Variants in DSE observed in about 807,000 individuals in gnomAD.
DSE encodes the protein dermatan sulfate epimerase.
A neutral mutation model predicts 84.4 loss-of-function variants in DSE; 36 were observed. The observed-to-expected ratio is 0.43, with a 90% confidence interval of 0.33 to 0.56. DSE has a LOEUF of 0.56. DSE is among the 20% of genes least tolerant of loss of function. DSE has a pLI of 0.06. For missense variants in DSE, 862 were observed against 1,169.6 expected, an observed-to-expected ratio of 0.74 and a Z score of 3.84; for synonymous variants, 410 against 430.1, an observed-to-expected ratio of 0.95 and a Z score of 0.58.
chr6:116,409,724 A>G (rs1213051799), intron 2 of DSE, among the ~76,000 whole-genome samples: 2 of 152,220 alleles, frequency 1.3e-5, no homozygotes, highest in Non-Finnish European at 2.9e-5. Context: ...TAGCATATTA[A>G]TACTAGTAGT....
chr6:116,398,672 A>G (rs111456319), intron 1 of DSE, among the ~76,000 whole-genome samples: 214 of 152,196 alleles, frequency 1.4e-3, no homozygotes, highest in African/African-American at 5.0e-3. Context: ...AACCTTATTC[A>G]TAATATTTTG....
chr6:116,433,862 T>A (rs1783994993), intron 5 of DSE, among the ~76,000 whole-genome samples: 1 of 152,188 alleles, frequency 6.6e-6, no homozygotes, highest in Non-Finnish European at 1.5e-5. Flanking sequence ...TAATTACTGT[T>A]TTCAGTTTTT....
intron 2 of DSE, chr6:116,277,108 TC>T (rs1773177468): frequency 6.6e-6 from 1 of 152,444 alleles, no homozygotes; most frequent in South Asian, 2.1e-4. Flanking sequence ...CAAAAGAATA[TC>T]TGTACAGCTC....
At chr6:116,350,427 T>G (rs1778240066) in intron 2 of DSE, among the ~76,000 whole-genome samples, 1 of 152,178 alleles carries the variant, frequency 6.6e-6, no homozygotes, top group African/African-American at 2.4e-5. Context: ...ATCTCTTCTT[T>G]TCGTATCACA....
chr6:116,386,726 G>A (rs990417197), intron 1 of DSE, among the ~76,000 whole-genome samples: 3 of 152,152 alleles, frequency 2.0e-5, no homozygotes, highest in African/African-American at 4.8e-5. Flanking sequence ...CCAAGGCCTC[G>A]AGTGTATAAA....
chr6:116,353,397 A>T (rs1778416937), intron 2 of DSE, among the ~76,000 whole-genome samples: 1 of 152,208 alleles, frequency 6.6e-6, no homozygotes, highest in Non-Finnish European at 1.5e-5. Flanking sequence ...AAATCTGTTT[A>T]TGTGATAGAT....
At chr6:116,337,556 G>A (rs1777326247) in intron 2 of DSE, among the ~76,000 whole-genome samples, 1 of 151,896 alleles carries the variant, frequency 6.6e-6, no homozygotes, top group Non-Finnish European at 1.5e-5. Context: ...AGTTTGCAGT[G>A]AGCCGAGATC....
intron 2 of DSE, among the ~76,000 whole-genome samples, chr6:116,324,369 G>A (rs1429483783): frequency 6.6e-6 from 1 of 152,144 alleles, no homozygotes; most frequent in East Asian, 1.9e-4. Context: ...TAATAGCTTA[G>A]GACAAGTAAC....
At position 116,375,227 on chromosome 6, in the gene DSE, C is replaced by T. The variant is rs149542931; in HGVS notation, c.-54+4106C>T. Among the ~76,000 whole-genome samples the T allele has an allele frequency of 2.0e-3, 300 of 146,856 alleles. 1 individual carries two copies. Among genetic ancestry groups the T allele is most frequent in the African/African-American group, 6.8e-3 (283 of 41,450 alleles). The stretch of plus-strand genomic sequence containing the variant: ...TCTTGAGGTGTACTGATCGATGTAC[C>T]ATTTGATGATAACAATAATGAAGAA... On this transcript the variant is annotated intron_variant, in intron 1 of 5. Coordinates refer to ENST00000644252, the MANE Select transcript of DSE (RefSeq NM_013352.4).
chr6:116,424,501 A>G lies in DSE; in HGVS notation c.417-2073A>G, dbSNP rs564790654. 1.2e-4 allele frequency among the ~76,000 whole-genome samples: 18 copies of G among 152,358 alleles called. No individual in the cohort carries two copies. In the South Asian group the frequency reaches 1.5e-3, roughly 12 times the overall value. On this transcript the variant is annotated intron_variant, in intron 2 of 5. Coordinates refer to ENST00000644252, the MANE Select transcript of DSE (RefSeq NM_013352.4). The stretch of plus-strand genomic sequence containing the variant: ...AAATTCCTGATTCCATAATGATCAC[A>G]TAATCACTGCCAGCAGTGTGGCTGA...
chr6:116,377,244 T>C (rs1779981019), intron 1 of DSE, among the ~76,000 whole-genome samples: 1 of 152,228 alleles, frequency 6.6e-6, no homozygotes, highest in African/African-American at 2.4e-5. Flanking sequence ...AGGCATTTAA[T>C]GCGTACAAAC....
intron 2 of DSE, chr6:116,279,901 C>G (rs978954023): frequency 1.6e-5 from 25 of 1,597,210 alleles, no homozygotes; most frequent in Non-Finnish European, 2.1e-5. Context: ...AGCTAACCGC[C>G]GCTCGCACCG....
At chr6:116,370,506 G>A, upstream of DSE, 1 of 986,012 alleles carries the variant, frequency 1.0e-6, no homozygotes, top group Non-Finnish European at 1.2e-6. Context: ...GGTAGTAAGA[G>A]TCTTAACGTC....
chr6:116,382,073 C>G (rs1053139011), intron 1 of DSE, among the ~76,000 whole-genome samples: 8 of 72,540 alleles, frequency 1.1e-4, no homozygotes, highest in South Asian at 7.4e-4. Flanking sequence ...GTGTGTGTGT[C>G]TCCAAATTTC....
chr6:116,391,682 A>G (rs1447609610), intron 1 of DSE, among the ~76,000 whole-genome samples: 1 of 151,332 alleles, frequency 6.6e-6, no homozygotes, highest in South Asian at 2.1e-4. Context: ...GGAGAATGGC[A>G]TGAACCTAGG....
chr6:116,292,065 CAGG>C (rs1247979601), intron 2 of DSE, among the ~76,000 whole-genome samples: 2 of 151,958 alleles, frequency 1.3e-5, no homozygotes, highest in Non-Finnish European at 2.9e-5. Flanking sequence ...ATTTGTAGAG[CAGG>C]AGAAGAGTGG....
intron 2 of DSE, among the ~76,000 whole-genome samples, chr6:116,269,256 A>G (rs989472252): frequency 1.1e-4 from 17 of 152,242 alleles, no homozygotes; most frequent in Non-Finnish European, 2.1e-4. Context: ...CAAAATGAAT[A>G]TAATAAAACA....
chr6:116,379,968 T>G (rs576479261), intron 1 of DSE, among the ~76,000 whole-genome samples: 1 of 152,242 alleles, frequency 6.6e-6, no homozygotes, highest in South Asian at 2.1e-4. Flanking sequence ...GTTAGTGGTG[T>G]TAGGGTGGTT....
intron 2 of DSE, among the ~76,000 whole-genome samples, chr6:116,363,984 T>C (rs1328141444): frequency 1.3e-5 from 2 of 152,196 alleles, no homozygotes; most frequent in African/African-American, 2.4e-5. Context: ...TGGCTAGGAA[T>C]CAGGAGGCTT....
Sources: gnomAD v4.1 joint callset for allele counts (sites outside exome capture counted in the v4.1 genomes callset) on GRCh38, gnomAD v4.1.1 for gene constraint, MANE v1.5 for transcripts, NCBI Gene and HGNC (gene_info 2026-07-23, HGNC 2026-07-21) for gene names.